The following DTNBP1 variants were observed in gnomAD, a reference collection of about 807,000 sequenced individuals.
The protein encoded by DTNBP1 is dysbindin.
In DTNBP1, 35 loss-of-function variants were observed where a neutral mutation model predicts 42.8. That is an observed-to-expected ratio of 0.82 (90% CI 0.63 to 1.09). The LOEUF (loss-of-function observed/expected upper bound fraction) is 1.09. Ranked by LOEUF, DTNBP1 falls within the 50% of genes least tolerant of loss-of-function variation. The pLI, the probability that DTNBP1 is intolerant of heterozygous loss-of-function variation, is 0.00. For missense variants in DTNBP1, 457 were observed against 424.2 expected (o/e 1.08, Z -0.68); for synonymous variants, 171 against 162.2 (o/e 1.05, Z -0.41).
intron 7 of DTNBP1, among the ~76,000 whole-genome samples, chr6:15,558,886 T>C (rs2113462559): frequency 6.6e-6 from 1 of 152,362 alleles, no homozygotes; most frequent in East Asian, 1.9e-4. Flanking sequence ...CAGTACATTC[T>C]TAAATAAATG....
rs1772235054 is a variant in DTNBP1 at position 15,524,654 on chromosome 6, A to G, written c.683T>C (p.Met228Thr). The change falls in exon 9 of 10, where the codon ATG (methionine) becomes ACG (threonine). Residue 228 changes from methionine to threonine, a missense_variant. Coordinates refer to ENST00000344537, the MANE Select transcript of DTNBP1 (RefSeq NM_032122.5). ...GTCCACGTTCACTTCCATGGATGACATGCTGCCTATGGGCTCTGCGGATAG... is the reference window on the plus strand; with the variant it reads ...GTCCACGTTCACTTCCATGGATGACGTGCTGCCTATGGGCTCTGCGGATAG... ...IAERREPIGS[M>T]SSMEVNVDML... 1 of 1,613,358 alleles carries G rather than the reference A, an allele frequency of 6.2e-7. No individual in the cohort carries two copies. The highest frequency in any genetic ancestry group is 8.5e-7 in the Non-Finnish European group (1 of 1,180,012).
At chr6:15,580,034 C>T (rs1305404432) in intron 7 of DTNBP1, among the ~76,000 whole-genome samples, 2 of 152,056 alleles carry the variant, frequency 1.3e-5, no homozygotes, top group East Asian at 1.9e-4. Context: ...GTGTAATAAC[C>T]ACGCAAAATT....
chr6:15,526,136 A>C (rs557962027), intron 8 of DTNBP1, among the ~76,000 whole-genome samples: 1 of 152,354 alleles, frequency 6.6e-6, no homozygotes, highest in East Asian at 1.9e-4. Context: ...ATGGTGTAAC[A>C]TTAGGTATCG....
intron 7 of DTNBP1, among the ~76,000 whole-genome samples, chr6:15,584,773 T>C (rs533725061): frequency 3.4e-4 from 48 of 143,036 alleles, no homozygotes; most frequent in Non-Finnish European, 6.5e-4. Context: ...ATGATGTATA[T>C]AACATGCCAT....
intron 6 of DTNBP1, among the ~76,000 whole-genome samples, chr6:15,599,531 G>T (rs920291666): frequency 1.3e-5 from 2 of 152,140 alleles, no homozygotes; most frequent in Non-Finnish European, 2.9e-5. Context: ...GAATTCCAGA[G>T]TCAGATATGT....
chr6:15,615,884 C>T (rs1294388527), intron 5 of DTNBP1, among the ~76,000 whole-genome samples: 31 of 152,222 alleles, frequency 2.0e-4, no homozygotes, highest in Admixed American at 2.0e-3. Flanking sequence ...CTTCAAGGCA[C>T]AGTAGATATG....
In DTNBP1 at chr6:15,523,369, T is replaced by C; in HGVS notation, c.812-150A>G. On this transcript the variant is annotated intron_variant, in intron 9 of 9. Coordinates refer to ENST00000344537, the MANE Select transcript of DTNBP1 (RefSeq NM_032122.5). Reference sequence around the variant, plus strand: ...GGCCTGCAGAACTTGGGAACTGCCCTGGAAGACACTGAGCTGAGCGATGCC... The same window carrying C: ...GGCCTGCAGAACTTGGGAACTGCCCCGGAAGACACTGAGCTGAGCGATGCC... 3.0e-6 allele frequency: 4 copies of C among 1,316,558 alleles called. No homozygotes were observed. The South Asian group carries it at 5.0e-5, about 16-fold the overall frequency. 81.6% of individuals were successfully genotyped at this position (1,316,558 alleles called of 1,614,324 possible).
chr6:15,545,484 AAC>A (rs1242781158), intron 7 of DTNBP1, among the ~76,000 whole-genome samples: 1 of 152,202 alleles, frequency 6.6e-6, no homozygotes, highest in East Asian at 1.9e-4. Context: ...CCCTTGCTCC[AAC>A]ACAGACACAC....
chr6:15,638,094 A>G (rs2113769986), intron 3 of DTNBP1, among the ~76,000 whole-genome samples: 1 of 152,324 alleles, frequency 6.6e-6, no homozygotes, highest in Non-Finnish European at 1.5e-5. Flanking sequence ...ATGAGAGAGA[A>G]GAGAAAAACT....
chr6:15,592,447 G>A (rs1030275564), intron 7 of DTNBP1, among the ~76,000 whole-genome samples: 22 of 152,082 alleles, frequency 1.4e-4, no homozygotes. Context: ...TTTCACTAGT[G>A]TTTCTCCATG....
intron 7 of DTNBP1, among the ~76,000 whole-genome samples, chr6:15,585,506 T>A (rs1181486689): frequency 6.6e-6 from 1 of 152,174 alleles, no homozygotes; most frequent in Admixed American, 6.6e-5. Context: ...AGGTATTAAT[T>A]TAGTAATTAT....
chr6:15,571,126 C>A (rs770601654), intron 7 of DTNBP1, among the ~76,000 whole-genome samples: 1 of 152,056 alleles, frequency 6.6e-6, no homozygotes, highest in Non-Finnish European at 1.5e-5. Context: ...TTTAAAATAT[C>A]GAGGTGGAAA....
At chr6:15,523,726 C>G in intron 9 of DTNBP1, 1 of 1,287,272 alleles carries the variant, frequency 7.8e-7, no homozygotes, top group Non-Finnish European at 1.0e-6. Flanking sequence ...TCCCCTGACT[C>G]TGGGTGAGGG....
chr6:15,620,666 T>G (rs1758993214), intron 5 of DTNBP1, among the ~76,000 whole-genome samples: 1 of 152,242 alleles, frequency 6.6e-6, no homozygotes, highest in Admixed American at 6.5e-5. Flanking sequence ...CTGTTTCATT[T>G]TGATTAGTGA....
At chr6:15,535,130 G>A (rs1322492017) in intron 7 of DTNBP1, among the ~76,000 whole-genome samples, 2 of 151,988 alleles carry the variant, frequency 1.3e-5, no homozygotes, top group Non-Finnish European at 2.9e-5. Context: ...TGCTGTTCTC[G>A]TGATAGTGAG....
intron 3 of DTNBP1, among the ~76,000 whole-genome samples, chr6:15,638,593 C>A (rs1760158967): frequency 6.6e-6 from 1 of 152,094 alleles, no homozygotes; most frequent in Non-Finnish European, 1.5e-5. Flanking sequence ...TAATCATTAA[C>A]TAAAAGTGAG....
At chr6:15,552,361 G>T (rs1389512191) in intron 7 of DTNBP1, among the ~76,000 whole-genome samples, 1 of 152,208 alleles carries the variant, frequency 6.6e-6, no homozygotes, top group Non-Finnish European at 1.5e-5. Context: ...ACACCTGAAA[G>T]TAGGCAGAGA....
At chr6:15,621,217 G>GA (rs1354699404) in intron 5 of DTNBP1, among the ~76,000 whole-genome samples, 3 of 152,194 alleles carry the variant, frequency 2.0e-5, no homozygotes, top group Non-Finnish European at 4.4e-5. Flanking sequence ...TTTCTGAAAA[G>GA]AAACTATGTA....
chr6:15,574,210 A>G (rs1338432896), intron 7 of DTNBP1, among the ~76,000 whole-genome samples: 1 of 152,228 alleles, frequency 6.6e-6, no homozygotes, highest in African/African-American at 2.4e-5. Flanking sequence ...TTCCACAAGC[A>G]CTGGCTGAGG....
Sources: allele counts gnomAD v4.1 joint callset (sites outside exome capture counted in the v4.1 genomes callset), GRCh38; gene constraint gnomAD v4.1.1; transcripts MANE v1.5; gene names NCBI Gene and HGNC (gene_info 2026-07-23, HGNC 2026-07-21).